HDAC4: variants seen among roughly 807,000 people sequenced by gnomAD.
The protein encoded by HDAC4 is histone deacetylase 4, also known as histone deacetylase A.
A neutral mutation model predicts 135.1 loss-of-function variants in HDAC4; 16 were observed. The ratio of observed to expected loss-of-function variants is 0.12; its 90% CI spans 0.08 to 0.18. The LOEUF (loss-of-function observed/expected upper bound fraction) is 0.18, where lower values mean the gene tolerates loss of function less well. Ranked by LOEUF, HDAC4 falls within the 10% of genes least tolerant of loss-of-function variation. The pLI is 1.00. For missense variants in HDAC4, 1,143 were observed against 1,511.8 expected (o/e 0.76, Z 4.05); for synonymous variants, 685 against 653.4 (o/e 1.05, Z -0.74).
At chr2:239,257,887 T>G (rs1035203075) in intron 2 of HDAC4, among the ~76,000 whole-genome samples, 1 of 151,956 alleles carries the variant, frequency 6.6e-6, no homozygotes, top group Non-Finnish European at 1.5e-5. Flanking sequence ...AAAAAGACCC[T>G]CAGGTGCTCC....
At chr2:239,283,459 T>G (rs57435819) in intron 2 of HDAC4, among the ~76,000 whole-genome samples, 32,144 of 151,922 alleles carry the variant, frequency 0.21, 3,529 homozygotes, top group African/African-American at 0.23. Context: ...CTGCAGCGAG[T>G]GTCGGGCTGG....
intron 16 of HDAC4, among the ~76,000 whole-genome samples, chr2:239,100,382 G>A (rs1014557277): frequency 1.8e-4 from 27 of 152,164 alleles, no homozygotes; most frequent in Non-Finnish European, 3.1e-4. Context: ...CTTTTTCTGC[G>A]GTCAGGTGTT....
intron 2 of HDAC4, among the ~76,000 whole-genome samples, chr2:239,335,948 T>G (rs1691907276): frequency 6.6e-6 from 1 of 152,200 alleles, no homozygotes; most frequent in Non-Finnish European, 1.5e-5. Context: ...TACAGTAGCA[T>G]TATACATAAT....
At chr2:239,297,518 A>G (rs74878490) in intron 2 of HDAC4, among the ~76,000 whole-genome samples, 2,334 of 152,342 alleles carry the variant, frequency 0.015, 38 homozygotes, top group East Asian at 0.078. Flanking sequence ...CTGCCCGGCT[A>G]TGAGCTACTG....
intron 1 of HDAC4, among the ~76,000 whole-genome samples, chr2:239,386,804 AAC>A (rs1695839094): frequency 6.6e-6 from 1 of 152,182 alleles, no homozygotes; most frequent in African/African-American, 2.4e-5. Context: ...TAACAGTGAA[AAC>A]ACAGTGGTCT....
rs375132085 is a variant in HDAC4 at position 239,346,006 on chromosome 2, ACT to A, written c.22+6670_22+6671del. Among the ~76,000 whole-genome samples the A allele has an allele frequency of 2.7e-3, 381 of 143,284 alleles. 4 individuals carry two copies. The highest frequency in any genetic ancestry group is 9.6e-3 in the African/African-American group (352 of 36,826). 94.0% of individuals were successfully genotyped at this position (143,284 alleles called of 152,430 possible). On this transcript the variant is annotated intron_variant, in intron 2 of 26. Transcript: ENST00000543185. ...ACCACCGTCTCACACACTTGCACTC[ACT>A]CTCACACACACATCCTAACACACAT...
chr2:239,249,347 G>A (rs991594659), intron 2 of HDAC4, among the ~76,000 whole-genome samples: 3 of 152,188 alleles, frequency 2.0e-5, no homozygotes, highest in African/African-American at 7.2e-5. Flanking sequence ...GGGAGGCGGA[G>A]AGAGAGCTGG....
At chr2:239,345,011 A>G (rs962604657) in intron 2 of HDAC4, among the ~76,000 whole-genome samples, 13 of 151,792 alleles carry the variant, frequency 8.6e-5, no homozygotes, top group African/African-American at 3.1e-4. Flanking sequence ...CACCTTGTCC[A>G]AGCTCCCCTG....
intron 3 of HDAC4, among the ~76,000 whole-genome samples, chr2:239,205,966 G>A (rs980245359): frequency 2.0e-5 from 3 of 152,150 alleles, no homozygotes; most frequent in Non-Finnish European, 2.9e-5. Flanking sequence ...CCAAAGCAGC[G>A]GTCAGGTTGG....
chr2:239,167,869 C>T lies in HDAC4; in HGVS notation c.491-3946G>A, dbSNP rs995186042. Among the ~76,000 whole-genome samples, 1 of 148,564 alleles carries T rather than the reference C, an allele frequency of 6.7e-6. No homozygotes were observed. The highest frequency in any genetic ancestry group is 2.5e-5 in the African/African-American group (1 of 40,462). The stretch of plus-strand genomic sequence containing the variant: ...AAAAGAGGCCAAGTTCTTCCCATAC[C>T]AGGGGGCAGAGAGTGCACCCGAGAC... On this transcript the variant is annotated intron_variant, in intron 5 of 26. Transcript: ENST00000543185. This position sits in a 1 kb window ranked among gnomAD's most constrained non-coding sequence, Gnocchi z 4.1.
At chr2:239,130,973 C>T (rs758098420) in intron 11 of HDAC4, among the ~76,000 whole-genome samples, 5 of 152,222 alleles carry the variant, frequency 3.3e-5, no homozygotes, top group Non-Finnish European at 5.9e-5. Context: ...CCTTCTTACC[C>T]GGGAATGGGC....
At chr2:239,388,869 T>C (rs1696008528) in intron 1 of HDAC4, among the ~76,000 whole-genome samples, 1 of 152,208 alleles carries the variant, frequency 6.6e-6, no homozygotes, top group South Asian at 2.1e-4. Flanking sequence ...TTTGGCACAC[T>C]TGGGCTCTGA....
chr2:239,062,382 T>A (rs1307842956), intron 24 of HDAC4, among the ~76,000 whole-genome samples: 1 of 152,256 alleles, frequency 6.6e-6, no homozygotes, highest in Non-Finnish European at 1.5e-5. Context: ...CCTGGCACAC[T>A]GTATATCAAC....
chr2:239,117,636 AG>A (rs2039263950), intron 12 of HDAC4, among the ~76,000 whole-genome samples: 1 of 150,968 alleles, frequency 6.6e-6, no homozygotes, highest in South Asian at 2.1e-4. Context: ...AAGGGCGCAC[AG>A]GGAGTTTCTC....
intron 22 of HDAC4, among the ~76,000 whole-genome samples, chr2:239,069,949 C>T (rs1246900015): frequency 6.6e-6 from 1 of 152,238 alleles, no homozygotes; most frequent in Non-Finnish European, 1.5e-5. Flanking sequence ...CTCCCTGTCC[C>T]ACTAACACCC....
intron 1 of HDAC4, among the ~76,000 whole-genome samples, chr2:239,381,714 AATTC>A (rs1695430290): frequency 6.6e-6 from 1 of 152,200 alleles, no homozygotes; most frequent in African/African-American, 2.4e-5. Context: ...TGCGACGGAC[AATTC>A]ATTGTCCCAT....
rs1047580406 is a variant in HDAC4, at chr2:239,373,197, G to A, written c.-219-20279C>T. Among the ~76,000 whole-genome samples the A allele has an allele frequency of 4.6e-5, 7 of 152,200 alleles. No individual in the cohort carries two copies. In the South Asian group the frequency reaches 8.3e-4, roughly 18 times the overall value. Reference sequence around the variant, plus strand: ...ACCTCTAAAGAGGCTGCAGCCGCGCGTACCTCCTCCAGCCATGCCCGACAC... The same window carrying A: ...ACCTCTAAAGAGGCTGCAGCCGCGCATACCTCCTCCAGCCATGCCCGACAC... On this transcript the variant is annotated intron_variant, in intron 1 of 26. Coordinates refer to ENST00000543185, the MANE Select transcript of HDAC4 (RefSeq NM_001378414.1).
intron 16 of HDAC4, among the ~76,000 whole-genome samples, chr2:239,096,654 CTGATGCCCACCCCCCCCAT>C: frequency 2.6e-5 from 2 of 78,406 alleles, no homozygotes; most frequent in East Asian, 4.0e-4. Flanking sequence ...GCATCCCCCA[CTGATGCCCACCCCCCCCAT>C]GGACGCCAGC....
chr2:239,124,052 G>T (rs1037966633), intron 12 of HDAC4, among the ~76,000 whole-genome samples: 2 of 152,028 alleles, frequency 1.3e-5, no homozygotes, highest in African/African-American at 4.8e-5. Context: ...GACAATAAAC[G>T]GAGAAATGAT....
Sources: allele counts gnomAD v4.1 joint callset (sites outside exome capture counted in the v4.1 genomes callset), GRCh38; gene constraint gnomAD v4.1.1; non-coding constraint Gnocchi (gnomAD v3.1); transcripts MANE v1.5; gene names NCBI Gene and HGNC (gene_info 2026-07-23, HGNC 2026-07-21).